The following PIKFYVE variants were observed in gnomAD, a reference collection of about 807,000 sequenced individuals.
The protein encoded by PIKFYVE is phosphoinositide kinase, FYVE-type zinc finger containing.
Under a neutral mutation model 257.9 loss-of-function variants are expected in PIKFYVE, and 122 were observed. That is an observed-to-expected ratio of 0.47 (90% confidence interval 0.41 to 0.55). The LOEUF is 0.55. PIKFYVE is among the 20% of genes least tolerant of loss of function. The pLI, the probability that PIKFYVE is intolerant of heterozygous loss-of-function variation, is 0.00. For missense variants in PIKFYVE, 2,160 were observed against 2,536.6 expected, an observed-to-expected ratio of 0.85 and a Z score of 3.19; for synonymous variants, 892 against 868.9, an observed-to-expected ratio of 1.03 and a Z score of -0.47.
chr2:208,340,019 G>C lies in PIKFYVE; in HGVS notation c.4819G>C (p.Asp1607His). The change falls in exon 31 of 42, where the codon GAT becomes CAT. Residue 1607 changes from aspartate (D) to histidine (H), a missense_variant. Coordinates refer to ENST00000264380, the MANE Select transcript of PIKFYVE (RefSeq NM_015040.4). ...DTASSSEDVF[D>H]GHLLGSTDSQ... ...ACTATTTTTCATTTTAGATGTGTTTGATGGGCATTTGCTGGGATCCACAGA... is the reference window on the plus strand; with the variant it reads ...ACTATTTTTCATTTTAGATGTGTTTCATGGGCATTTGCTGGGATCCACAGA... 3 of 1,613,432 alleles carry C rather than the reference G, an allele frequency of 1.9e-6. No individual in the cohort carries two copies. The highest frequency in any genetic ancestry group is 2.5e-6 in the Non-Finnish European group (3 of 1,179,404).
intron 32 of PIKFYVE, 138 bp downstream of exon 32, chr2:208,342,787 G>A: frequency 1.8e-6 from 1 of 544,824 alleles, no homozygotes; most frequent in Non-Finnish European, 3.1e-6. Flanking sequence ...AGTCGTGATA[G>A]CTTGTTCTTT....
At chr2:208,266,925 TGAG>T (rs1179669379) in intron 1 of PIKFYVE, among the ~76,000 whole-genome samples, 1 of 152,212 alleles carries the variant, frequency 6.6e-6, no homozygotes, top group African/African-American at 2.4e-5. Flanking sequence ...TGGAGTTTCT[TGAG>T]GAGGAGCATT....
chr2:208,268,129 T>TTA (rs1268145074), intron 1 of PIKFYVE, among the ~76,000 whole-genome samples: 2 of 152,118 alleles, frequency 1.3e-5, no homozygotes, highest in Non-Finnish European at 2.9e-5. Context: ...AGAGTGAGAG[T>TTA]TATAAGATAA....
intron 15 of PIKFYVE, among the ~76,000 whole-genome samples, chr2:208,315,658 A>G (rs999400674): frequency 5.3e-5 from 8 of 152,170 alleles, no homozygotes; most frequent in Admixed American, 1.3e-4. Flanking sequence ...CAAGTCAGCT[A>G]TGAGAAAGCC....
chr2:208,280,493 G>T (rs1690666430), intron 5 of PIKFYVE, among the ~76,000 whole-genome samples: 1 of 152,192 alleles, frequency 6.6e-6, no homozygotes. Context: ...GTTGAGAGTA[G>T]GTGTCTAATA....
At chr2:208,283,976 C>T (rs1472968174) in intron 5 of PIKFYVE, among the ~76,000 whole-genome samples, 1 of 152,120 alleles carries the variant, frequency 6.6e-6, no homozygotes, top group Non-Finnish European at 1.5e-5. Flanking sequence ...ATGGTAAAAA[C>T]ATAATACAGT....
intron 16 of PIKFYVE, among the ~76,000 whole-genome samples, chr2:208,318,426 G>C (rs889667269): frequency 1.3e-5 from 2 of 152,186 alleles, no homozygotes; most frequent in African/African-American, 4.8e-5. Flanking sequence ...AGGAGACTCT[G>C]AGTTCCTAAG....
intron 17 of PIKFYVE, among the ~76,000 whole-genome samples, chr2:208,321,370 A>C (rs866259681): frequency 1.3e-4 from 20 of 152,124 alleles, no homozygotes; most frequent in African/African-American, 4.3e-4. Flanking sequence ...CCTAGATAAC[A>C]ATAAGAGAAA....
intron 5 of PIKFYVE, 46 bp from the exon 6 acceptor site, chr2:208,285,680 C>G (rs757545039): frequency 1.3e-6 from 2 of 1,533,976 alleles, no homozygotes; most frequent in East Asian, 4.5e-5. Context: ...TTACTGCTAT[C>G]TTTTCCTTCA....
intron 13 of PIKFYVE, among the ~76,000 whole-genome samples, chr2:208,313,663 A>G (rs897481832): frequency 4.6e-5 from 7 of 151,378 alleles, no homozygotes; most frequent in African/African-American, 1.7e-4. Flanking sequence ...GCTCACTGCA[A>G]TCTCTGCCTC....
intron 34 of PIKFYVE, 29 bp from the exon 35 acceptor site, chr2:208,347,830 A>G (rs761882398): frequency 6.3e-7 from 1 of 1,580,076 alleles, no homozygotes; most frequent in East Asian, 2.3e-5. Context: ...ACCTGTACTT[A>G]AAATTAATAT....
intron 15 of PIKFYVE, 144 bp from the exon 16 acceptor site, chr2:208,317,723 A>G: frequency 1.3e-6 from 1 of 746,456 alleles, no homozygotes; most frequent in South Asian, 1.5e-5. Flanking sequence ...GTTGGTTGAA[A>G]GGAAGTATTA....
At position 208,315,183 on chromosome 2, in the gene PIKFYVE, AT is replaced by A; in HGVS notation, c.1827-5del. 1 of 1,609,986 alleles carries A rather than the reference AT, an allele frequency of 6.2e-7. No homozygotes were observed. Among genetic ancestry groups the A allele is most frequent in the Non-Finnish European group, 8.5e-7 (1 of 1,176,518 alleles). On this transcript the variant is annotated splice_polypyrimidine_tract_variant and intron_variant, in intron 14 of 41. Transcript: ENST00000264380. ...ACTATGCAAACTTCTTTCTTATAAT[AT>A]TTTTGTAGTTCAGCTAATCATAACC...
chr2:208,351,391 T>C lies in PIKFYVE; in HGVS notation c.5651T>C (p.Val1884Ala). ...TTGAAGCAAATGCCTCGTCTGGAAGTCCAGTCCTTCCTCGACTTTGCACCA... is the reference window on the plus strand; with the variant it reads ...TTGAAGCAAATGCCTCGTCTGGAAGCCCAGTCCTTCCTCGACTTTGCACCA... The part of the protein sequence containing the change: ...FILKQMPRLE[V>A]QSFLDFAPHY... Residue 1884 changes from valine to alanine, a missense_variant, in exon 38 of 42, where the codon GTC becomes GCC. Val to Ala is a moderately conservative substitution (Grantham distance 64). Transcript: ENST00000264380. 1 of 1,613,998 alleles carries C rather than the reference T, an allele frequency of 6.2e-7. No homozygotes were observed. The highest frequency in any genetic ancestry group is 1.7e-5 in the Admixed American group (1 of 60,028).
intron 12 of PIKFYVE, among the ~76,000 whole-genome samples, chr2:208,307,126 T>G (rs906878312): frequency 6.6e-6 from 1 of 152,132 alleles, no homozygotes; most frequent in Admixed American, 6.6e-5. Context: ...GTGGCAACTT[T>G]CGTAGGAGAA....
Position 208,270,700 on chromosome 2 carries a change from C to T in PIKFYVE, c.-9-811C>T, listed in dbSNP as rs556803534. Among the ~76,000 whole-genome samples, 18 of 152,054 alleles carry T rather than the reference C, an allele frequency of 1.2e-4. No individual in the cohort carries two copies. In the East Asian group the frequency reaches 1.5e-3, roughly 13 times the overall value. ...CATTAGAGAATGACTTTCATGTCCTCGTCTTAGAAATATAATGATTTTTAT... is the reference window on the plus strand; with the variant it reads ...CATTAGAGAATGACTTTCATGTCCTTGTCTTAGAAATATAATGATTTTTAT... On this transcript the variant is annotated intron_variant, in intron 1 of 41. Coordinates refer to ENST00000264380, the MANE Select transcript of PIKFYVE (RefSeq NM_015040.4).
chr2:208,349,965 C>T (rs1402424913), intron 35 of PIKFYVE, 59 bp from the exon 36 acceptor site: 1 of 1,597,556 alleles, frequency 6.3e-7, no homozygotes, highest in African/African-American at 1.3e-5. Context: ...AAGGAAAGGA[C>T]AAAATGAACT....
chr2:208,353,822 CTT>C, intron 39 of PIKFYVE, 74 bp from the exon 40 acceptor site: 1 of 1,552,936 alleles, frequency 6.4e-7, no homozygotes, highest in Non-Finnish European at 8.8e-7. Context: ...GTCTTTCTGC[CTT>C]TTTTATTTAC....
At chr2:208,344,131 A>C (rs1419051249) in intron 32 of PIKFYVE, among the ~76,000 whole-genome samples, 1 of 152,134 alleles carries the variant, frequency 6.6e-6, no homozygotes, top group African/African-American at 2.4e-5. Flanking sequence ...AATCTTAAGA[A>C]CATCTTGGTG....
Sources: allele counts gnomAD v4.1 joint callset (sites outside exome capture counted in the v4.1 genomes callset), GRCh38; gene constraint gnomAD v4.1.1; transcripts MANE v1.5; gene names NCBI Gene and HGNC (gene_info 2026-07-23, HGNC 2026-07-21).